The following DNAAF8 variants were observed in gnomAD, a reference collection of about 807,000 sequenced individuals.
The protein encoded by DNAAF8 is dynein axonemal-associated protein 1.
Under a neutral mutation model 54.6 loss-of-function variants are expected in DNAAF8, and 61 were observed. That is an observed-to-expected ratio of 1.12 (90% CI 0.91 to 1.38). The LOEUF (loss-of-function observed/expected upper bound fraction) is 1.38. Ranked by LOEUF, DNAAF8 falls within the 40% of genes most tolerant of loss-of-function variation. DNAAF8 has a pLI of 0.00. For missense variants in DNAAF8, 837 were observed against 665.0 expected (o/e 1.26, Z -2.85); for synonymous variants, 320 against 270.1 (o/e 1.18, Z -1.81).
intron 6 of DNAAF8, among the ~76,000 whole-genome samples, chr16:4,745,952 C>CAA (rs58259917): frequency 0.012 from 1,360 of 113,162 alleles, 18 homozygotes; most frequent in Middle Eastern, 0.023. Context: ...GACTCTGTCT[C>CAA]AAAAAAAAAA....
intron 4 of DNAAF8, 81 bp from the exon 5 acceptor site, chr16:4,742,962 G>A: frequency 8.9e-7 from 1 of 1,117,430 alleles, no homozygotes; most frequent in Non-Finnish European, 1.4e-6. Context: ...CATCTCCATG[G>A]GTCACAGCAG....
intron 4 of DNAAF8, among the ~76,000 whole-genome samples, chr16:4,742,245 T>C (rs990519447): frequency 5.3e-5 from 8 of 152,092 alleles, no homozygotes; most frequent in Non-Finnish European, 8.8e-5. Flanking sequence ...TGAACCTAAA[T>C]AGTGTTTCTG....
At chr16:4,740,756 G>A (rs2081952157) in intron 4 of DNAAF8, 97 bp downstream of exon 4, 2 of 1,391,416 alleles carry the variant, frequency 1.4e-6, no homozygotes, top group African/African-American at 1.4e-5. Flanking sequence ...TTGAGGGCTG[G>A]CCCACTAGGA....
chr16:4,746,152 A>T, intron 6 of DNAAF8: 2 of 485,758 alleles, frequency 4.1e-6, no homozygotes, highest in South Asian at 6.8e-5. Context: ...TACCACAGAT[A>T]GAGAGCATGT....
rs2075469 is a variant in DNAAF8 at position 4,744,872 on chromosome 16, C to G, written c.904C>G (p.Arg302Gly). Residue 302 changes from arginine to glycine, a missense_variant and splice_region_variant, in exon 6 of 10, where the codon CGC (arginine) becomes GGC (glycine). Physicochemically the swap from Arg to Gly is moderately radical, Grantham distance 125. Transcript: ENST00000299320. ...GCCTCTCCTTTGGCCATCCTCAGAC[C>G]GCATGGTGCCGAGCGCCCACAACAG... Reference protein sequence around the residue: ...WAADHRQVQDRMVPSAHNRLM... With the variant: ...WAADHRQVQDGMVPSAHNRLM... 1 of 1,610,676 alleles carries G rather than the reference C, an allele frequency of 6.2e-7. No homozygotes were observed. The highest frequency in any genetic ancestry group is 1.7e-5 in the Admixed American group (1 of 59,922).
intron 3 of DNAAF8, among the ~76,000 whole-genome samples, chr16:4,739,265 G>GTTTTTTTTTGTTTTTTTTTT (rs2081931784): frequency 2.9e-5 from 2 of 69,030 alleles, no homozygotes; most frequent in African/African-American, 5.4e-5. Flanking sequence ...ATTTTTTCTT[G>GTTTTTTTTTGTTTTTTTTTT]TTTTTTTTTT....
chr16:4,738,059 T>A, intron 3 of DNAAF8, 113 bp downstream of exon 3: 1 of 1,310,108 alleles, frequency 7.6e-7, no homozygotes, highest in Non-Finnish European at 1.0e-6. Flanking sequence ...TGGTCCTTTT[T>A]TTTTTCCCCC....
chr16:4,739,142 G>A (rs1051537369), intron 3 of DNAAF8, among the ~76,000 whole-genome samples: 2 of 151,952 alleles, frequency 1.3e-5, no homozygotes, highest in Admixed American at 6.6e-5. Context: ...CCACACAAGA[G>A]AGATCCCCAG....
At chr16:4,741,107 G>A (rs1480514234) in intron 4 of DNAAF8, among the ~76,000 whole-genome samples, 2 of 150,848 alleles carry the variant, frequency 1.3e-5, no homozygotes, top group African/African-American at 2.4e-5. Context: ...GGTGGCGGGC[G>A]CCTGTAGTCC....
chr16:4,740,869 A>C (rs1300686457), intron 4 of DNAAF8, among the ~76,000 whole-genome samples: 1 of 152,086 alleles, frequency 6.6e-6, no homozygotes, highest in Non-Finnish European at 1.5e-5. Flanking sequence ...ACAAAGAACA[A>C]GCAGGGCCTG....
intron 1 of DNAAF8, chr16:4,735,190 C>T (rs148302701): frequency 1.3e-5 from 2 of 152,348 alleles, no homozygotes; most frequent in Admixed American, 1.3e-4. Context: ...CCCCTATTGT[C>T]TTGTCCGCCT....
At position 4,747,559 on chromosome 16, in the gene DNAAF8, C is replaced by T; in HGVS notation, c.1497C>T (p.Ala499=). 3 of 1,612,134 alleles carry T rather than the reference C, an allele frequency of 1.9e-6. No individual in the cohort carries two copies. Among genetic ancestry groups the T allele is most frequent in the Non-Finnish European group, 2.5e-6 (3 of 1,179,692 alleles). Residue 499 remains alanine (A), a synonymous_variant, in exon 9 of 10, where the codon GCC becomes GCT. Transcript: ENST00000299320. ...QARLPRGRPR[A]LGDVPEPGAA... ...GACTCCCAAGAGGCAGGCCCAGAGC[C>T]CTGGGGGATGTTCCTGAGCCAGGGG...
At chr16:4,740,766 A>T (rs1206672467) in intron 4 of DNAAF8, 107 bp downstream of exon 4, 15 of 1,334,090 alleles carry the variant, frequency 1.1e-5, no homozygotes, top group Non-Finnish European at 1.5e-5. Context: ...GCCCACTAGG[A>T]CCTTAGGCCC....
At position 4,749,228 on chromosome 16, in the gene DNAAF8, C is replaced by T. The variant is rs60957905; in HGVS notation, c.*513C>T. ...GCCAGAACCGGGCTCTGCCCCCATA[C>T]GCTGCCCTCGCAGCCTGGCGGCCTC... On this transcript the variant is annotated 3_prime_UTR_variant, in exon 10 of 10. Transcript: ENST00000299320. 2,089 of 154,614 alleles carry T rather than the reference C, an allele frequency of 0.014. 52 individuals are homozygous for T. The highest frequency in any genetic ancestry group is 0.048 in the African/African-American group (1,981 of 41,664). 9.6% of individuals were successfully genotyped at this position (154,614 alleles called of 1,614,324 possible).
chr16:4,746,684 G>C, intron 7 of DNAAF8, 172 bp downstream of exon 7: 1 of 975,366 alleles, frequency 1.0e-6, no homozygotes. Context: ...CTGCAGGGAG[G>C]GAAGAGGGGC....
In DNAAF8 at chr16:4,747,558, C is replaced by G. The variant is rs747816676; in HGVS notation, c.1496C>G (p.Ala499Gly). The G allele has an allele frequency of 6.2e-7, 1 of 1,612,112 alleles. No individual in the cohort carries two copies. The change falls in exon 9 of 10, where the codon GCC (alanine) becomes GGC (glycine). Residue 499 changes from alanine (A) to glycine (G), a missense_variant. Transcript: ENST00000299320. ...QARLPRGRPRALGDVPEPGAA... is the reference protein window; with the variant it reads ...QARLPRGRPRGLGDVPEPGAA... ...CGACTCCCAAGAGGCAGGCCCAGAG[C>G]CCTGGGGGATGTTCCTGAGCCAGGG...
At chr16:4,741,279 A>G (rs993144500) in intron 4 of DNAAF8, among the ~76,000 whole-genome samples, 10 of 150,906 alleles carry the variant, frequency 6.6e-5, no homozygotes, top group African/African-American at 2.2e-4. Flanking sequence ...GAAAGAAAGA[A>G]TGTATAAATT....
Position 4,737,836 on chromosome 16 carries a change from C to A in DNAAF8, c.166C>A (p.Arg56=), listed in dbSNP as rs150534835. 3.1e-6 allele frequency: 5 copies of A among 1,614,018 alleles called. No homozygotes were observed. Among genetic ancestry groups the A allele is most frequent in the Non-Finnish European group, 3.4e-6 (4 of 1,179,980 alleles). The change falls in exon 3 of 10, where the codon CGA becomes AGA. Residue 56 remains arginine (R), a synonymous_variant. Transcript: ENST00000299320. ...YGEEELFIFQ[R]NQTSLIPDLS... ...GGAAGAGGAGCTGTTCATCTTCCAGCGAAACCAAACCTCCCTGATTCCAGA... is the reference window on the plus strand; with the variant it reads ...GGAAGAGGAGCTGTTCATCTTCCAGAGAAACCAAACCTCCCTGATTCCAGA...
At chr16:4,746,031 G>T in intron 6 of DNAAF8, 1 of 206,354 alleles carries the variant, frequency 4.8e-6, no homozygotes, top group Non-Finnish European at 9.7e-6. Context: ...AGCCGTGTGT[G>T]GCTACTAAAC....
Sources: gnomAD v4.1 joint callset for allele counts (sites outside exome capture counted in the v4.1 genomes callset) on GRCh38, gnomAD v4.1.1 for gene constraint, MANE v1.5 for transcripts, NCBI Gene and HGNC (gene_info 2026-07-23, HGNC 2026-07-21) for gene names.